Variants in KPNA5 observed in about 807,000 individuals in gnomAD.
The protein encoded by KPNA5 is importin subunit alpha-6.
KPNA5 carries 46 observed loss-of-function variants against 71.3 expected under a neutral mutation model. The ratio of observed to expected loss-of-function variants is 0.65; its 90% CI spans 0.51 to 0.83. The LOEUF (loss-of-function observed/expected upper bound fraction) is 0.83, where lower values mean the gene tolerates loss of function less well. Ranked by LOEUF, KPNA5 falls within the 40% of genes least tolerant of loss-of-function variation. The pLI, the probability that KPNA5 is intolerant of heterozygous loss-of-function variation, is 0.00. For synonymous variants in KPNA5, 207 were observed against 201.4 expected (o/e 1.03, Z -0.24); for missense variants, 547 against 628.3 (o/e 0.87, Z 1.38).
chr6:116,701,940 T>G (rs1778245887), intron 5 of KPNA5, 79 bp from the exon 6 acceptor site: 6 of 1,362,138 alleles, frequency 4.4e-6, no homozygotes, highest in African/African-American at 1.5e-5. Flanking sequence ...TGGCAGGTCT[T>G]TACTCCCTCT....
At chr6:116,719,122 A>G (rs896598619) in intron 8 of KPNA5, among the ~76,000 whole-genome samples, 7 of 152,244 alleles carry the variant, frequency 4.6e-5, no homozygotes, top group South Asian at 4.1e-4. Flanking sequence ...TATCTTTTCA[A>G]TAAGTAGTTG....
Position 116,714,145 on chromosome 6 carries a change from T to C in KPNA5, c.657-2074T>C, listed in dbSNP as rs544292858. ...TTTCTTGTTGAAAAACTGGACTGAT[T>C]ATTGTAACTATGGTTAACTATGGAA... is the stretch of plus-strand genomic sequence containing the variant. On this transcript the variant is annotated intron_variant, in intron 7 of 13. Coordinates refer to ENST00000368564, the MANE Select transcript of KPNA5 (RefSeq NM_001366306.2). Among the ~76,000 whole-genome samples, 13 of 152,328 alleles carry C rather than the reference T, an allele frequency of 8.5e-5. No individual in the cohort carries two copies. The South Asian group carries it at 2.5e-3, about 29-fold the overall frequency.
At chr6:116,692,702 CATG>C (rs1777851497) in intron 4 of KPNA5, among the ~76,000 whole-genome samples, 1 of 151,898 alleles carries the variant, frequency 6.6e-6, no homozygotes, top group African/African-American at 2.4e-5. Context: ...ATTTTTCAGA[CATG>C]ATTTTTTATT....
chr6:116,684,588 A>G (rs1203889692), intron 1 of KPNA5, among the ~76,000 whole-genome samples: 2 of 152,040 alleles, frequency 1.3e-5, no homozygotes, highest in African/African-American at 2.4e-5. Context: ...TTATTCTTCT[A>G]CTTCTCTGAC....
At position 116,739,835 on chromosome 6, in the gene KPNA5, C is replaced by G. The variant is rs1395333023; in HGVS notation, c.*7512C>G. 6.6e-6 allele frequency: 1 copy of G among 151,516 alleles called. No homozygotes were observed. Among genetic ancestry groups the G allele is most frequent in the Non-Finnish European group, 1.5e-5 (1 of 67,922 alleles). The allele number at this position is 151,516 out of a possible 1,614,324, so 9.4% of individuals were successfully genotyped here. A position where few individuals can be genotyped will look rare whatever the true frequency, so the allele number is the denominator to read the frequency against. ...CTGTATCCCTTCCTTACACCTTATA[C>G]AAAAATTAATTCAAGATGGATTAAA... On this transcript the variant is annotated 3_prime_UTR_variant, in exon 14 of 14. Coordinates refer to ENST00000368564, the MANE Select transcript of KPNA5 (RefSeq NM_001366306.2).
intron 1 of KPNA5, among the ~76,000 whole-genome samples, chr6:116,685,312 G>C (rs1777533343): frequency 6.6e-6 from 1 of 152,166 alleles, no homozygotes; most frequent in African/African-American, 2.4e-5. Context: ...TTTAGGCTCA[G>C]GGGCACATGT....
In KPNA5 at chr6:116,722,267, C is replaced by G; in HGVS notation, c.898C>G (p.Arg300Gly). 1 of 1,607,834 alleles carries G rather than the reference C, an allele frequency of 6.2e-7. No homozygotes were observed. Among genetic ancestry groups the G allele is most frequent in the South Asian group, 1.1e-5 (1 of 89,336 alleles). Reference protein sequence around the residue: ...IQAVIDSGVCRRLVELLMHND... With the variant: ...IQAVIDSGVCGRLVELLMHND... ...AGCAGTCATTGATTCTGGAGTCTGT[C>G]GAAGATTGGTGGAACTTTTGATGTA... The change falls in exon 9 of 14, where the codon CGA becomes GGA. Residue 300 changes from arginine (R) to glycine (G), a missense_variant. Physicochemically the swap from Arg to Gly is moderately radical, Grantham distance 125 (BLOSUM62 -2). Transcript: ENST00000368564.
At chr6:116,712,989 AGTT>A (rs1490715658) in intron 7 of KPNA5, among the ~76,000 whole-genome samples, 3 of 152,070 alleles carry the variant, frequency 2.0e-5, no homozygotes, top group African/African-American at 4.8e-5. Flanking sequence ...ACCCTTCTTA[AGTT>A]GTTATTGCCA....
chr6:116,721,097 A>G (rs113357656), intron 8 of KPNA5, among the ~76,000 whole-genome samples: 66 of 152,196 alleles, frequency 4.3e-4, no homozygotes, highest in African/African-American at 1.5e-3. Context: ...CAGAGATGGT[A>G]ACTGCTTTCA....
intron 1 of KPNA5, among the ~76,000 whole-genome samples, chr6:116,682,642 G>A (rs2114341476): frequency 6.6e-6 from 1 of 152,174 alleles, no homozygotes. Flanking sequence ...AATGTCGATT[G>A]ATATTAAAGA....
intron 6 of KPNA5, 22 bp downstream of exon 6, chr6:116,702,172 T>C (rs1242550598): frequency 1.2e-6 from 2 of 1,601,542 alleles, no homozygotes; most frequent in South Asian, 1.1e-5. Flanking sequence ...ATTTGTATTG[T>C]TGTATGTACT....
In KPNA5 at chr6:116,696,193, T is replaced by A. The variant is rs569015833; in HGVS notation, c.341-2511T>A. The stretch of plus-strand genomic sequence containing the variant: ...TTCACAGAGACAATTGTGTTCTCTG[T>A]TTCTTCTTTGTAATGGAATTATGCT... On this transcript the variant is annotated intron_variant, in intron 4 of 13. Transcript: ENST00000368564. 1.3e-3 allele frequency among the ~76,000 whole-genome samples: 199 copies of A among 152,310 alleles called. 1 individual carries two copies. The highest frequency in any genetic ancestry group is 2.0e-3 in the Non-Finnish European group (133 of 68,014).
Position 116,741,377 on chromosome 6 carries a change from G to A in KPNA5, c.*9054G>A, listed in dbSNP as rs1347472259. On this transcript the variant is annotated 3_prime_UTR_variant, in exon 14 of 14. Coordinates refer to ENST00000368564, the MANE Select transcript of KPNA5 (RefSeq NM_001366306.2). The stretch of plus-strand genomic sequence containing the variant: ...ACATCTTTTTTTTTAAGGTTCAGAT[G>A]AGAATTTGTACATTTATGTGCTAAA... The A allele has an allele frequency of 6.6e-6, 1 of 151,990 alleles. No individual in the cohort carries two copies. Among genetic ancestry groups the A allele is most frequent in the Non-Finnish European group, 1.5e-5 (1 of 67,990 alleles). The allele number at this position is 151,990 out of a possible 1,614,324, so 9.4% of individuals were successfully genotyped here. A position where few individuals can be genotyped will look rare whatever the true frequency, so the allele number is the denominator to read the frequency against.
chr6:116,701,617 T>C (rs1254745906), intron 5 of KPNA5, among the ~76,000 whole-genome samples: 1 of 152,208 alleles, frequency 6.6e-6, no homozygotes, highest in Non-Finnish European at 1.5e-5. Context: ...GTACCTCTTA[T>C]GATTCTAAGT....
At chr6:116,727,776 C>A (rs1779341209) in intron 12 of KPNA5, among the ~76,000 whole-genome samples, 1 of 151,982 alleles carries the variant, frequency 6.6e-6, no homozygotes. Flanking sequence ...AGTATTGATT[C>A]CTGAATCTTT....
chr6:116,714,767 C>T (rs1778822158), intron 7 of KPNA5, among the ~76,000 whole-genome samples: 1 of 152,062 alleles, frequency 6.6e-6, no homozygotes. Context: ...ACTTTTCCAC[C>T]CTGAGAGAAT....
At chr6:116,729,818 AT>A (rs1268035646) in intron 13 of KPNA5, 77 bp downstream of exon 13, 21 of 950,992 alleles carry the variant, frequency 2.2e-5, no homozygotes, top group African/African-American at 1.5e-4. Context: ...GTTCCCTACA[AT>A]TTTTTTGTTG....
chr6:116,692,259 A>G, intron 3 of KPNA5, 34 bp from the exon 4 acceptor site: 2 of 1,446,154 alleles, frequency 1.4e-6, no homozygotes, highest in Non-Finnish European at 9.6e-7. Flanking sequence ...TAAAATATGT[A>G]AATGTTAATT....
At chr6:116,688,464 G>A (rs369581615) in intron 1 of KPNA5, among the ~76,000 whole-genome samples, 2 of 152,072 alleles carry the variant, frequency 1.3e-5, no homozygotes, top group African/African-American at 2.4e-5. Flanking sequence ...TTTTGTGTGT[G>A]TGTGATGTGT....
Sources: allele counts gnomAD v4.1 joint callset (sites outside exome capture counted in the v4.1 genomes callset), GRCh38; gene constraint gnomAD v4.1.1; transcripts MANE v1.5; gene names NCBI Gene and HGNC (gene_info 2026-07-23, HGNC 2026-07-21).